PDE1C: variants seen among roughly 807,000 people sequenced by gnomAD.
PDE1C encodes phosphodiesterase 1C.
PDE1C carries 62 observed loss-of-function variants against 93.1 expected under a neutral mutation model. The observed-to-expected ratio is 0.67, with a 90% CI of 0.54 to 0.82. The LOEUF (loss-of-function observed/expected upper bound fraction) is 0.82. Ranked by LOEUF, PDE1C falls within the 40% of genes least tolerant of loss-of-function variation. The pLI is 0.00. For synonymous variants in PDE1C, 325 were observed against 310.1 expected, an observed-to-expected ratio of 1.05 and a Z score of -0.50; for missense variants, 742 against 884.6, an observed-to-expected ratio of 0.84 and a Z score of 2.04.
intron 3 of PDE1C, among the ~76,000 whole-genome samples, chr7:32,135,229 G>T (rs958708220): frequency 6.6e-6 from 1 of 152,118 alleles, no homozygotes; most frequent in Non-Finnish European, 1.5e-5. Context: ...CTCCTCTCAT[G>T]ATGAGCCCTA....
chr7:31,638,816 G>A, the PDE1C span, among the ~76,000 whole-genome samples: 9 of 151,976 alleles, frequency 5.9e-5, no homozygotes, highest in Admixed American at 2.0e-4. Context: ...TTGCTCTGTC[G>A]CCCAGGCTGG....
intron 7 of PDE1C, among the ~76,000 whole-genome samples, chr7:31,863,754 C>T (rs747877361): frequency 6.6e-6 from 1 of 152,056 alleles, no homozygotes; most frequent in South Asian, 2.1e-4. Context: ...TTTATTCTAA[C>T]CATCAGAGCA....
intron 1 of PDE1C, among the ~76,000 whole-genome samples, chr7:32,338,819 C>T (rs215668): frequency 0.88 from 133,186 of 151,818 alleles, 58,587 homozygotes; most frequent in East Asian, 0.98. Flanking sequence ...CTGGCTAACA[C>T]GGTGAAACCC....
chr7:32,327,213 C>A (rs940154454), intron 1 of PDE1C, among the ~76,000 whole-genome samples: 4 of 152,190 alleles, frequency 2.6e-5, no homozygotes, highest in Non-Finnish European at 4.4e-5. Context: ...TGAACTACTG[C>A]AATACTCTCT....
At chr7:31,684,900 T>C in the PDE1C span, among the ~76,000 whole-genome samples, 7 of 152,328 alleles carry the variant, frequency 4.6e-5, no homozygotes, top group African/African-American at 1.2e-4. Flanking sequence ...TTCTGGGCAT[T>C]ATCCCAGAGA....
At chr7:32,370,300 T>G (rs1211819771) in intron 1 of PDE1C, among the ~76,000 whole-genome samples, 1 of 151,822 alleles carries the variant, frequency 6.6e-6, no homozygotes, top group African/African-American at 2.4e-5. Flanking sequence ...ATACAAAAAA[T>G]TAGCTGGGCG....
rs562161625 is a variant in PDE1C at position 31,837,309 on chromosome 7, C to A, written c.1083-9G>T. On this transcript the variant is annotated splice_polypyrimidine_tract_variant and intron_variant, in intron 10 of 17. Coordinates refer to ENST00000396191, the MANE Select transcript of PDE1C (RefSeq NM_001191057.4). Reference sequence around the variant, plus strand: ...CTTTTGGCTTTTCAATGCTGTAAACCAAAAGCACCCAAACACATGATAACC... The same window carrying A: ...CTTTTGGCTTTTCAATGCTGTAAACAAAAAGCACCCAAACACATGATAACC... 6.2e-7 allele frequency: 1 copy of A among 1,600,154 alleles called. No homozygotes were observed. Among genetic ancestry groups the A allele is most frequent in the Non-Finnish European group, 8.5e-7 (1 of 1,172,144 alleles).
chr7:32,126,201 CTAGATAGATAGATAGA>C (rs5883326), intron 3 of PDE1C, among the ~76,000 whole-genome samples: 135 of 147,000 alleles, frequency 9.2e-4, no homozygotes, highest in Middle Eastern at 3.5e-3. Context: ...ATCCACTATT[CTAGATAGATAGATAGA>C]TAGATAGATA....
chr7:31,657,486 G>T, the PDE1C span, among the ~76,000 whole-genome samples: 1 of 152,152 alleles, frequency 6.6e-6, no homozygotes, highest in Non-Finnish European at 1.5e-5. Context: ...GTCAGGTATC[G>T]GTTCTGAGTC....
chr7:31,682,387 T>C, the PDE1C span, among the ~76,000 whole-genome samples: 1 of 152,168 alleles, frequency 6.6e-6, no homozygotes, highest in Admixed American at 6.5e-5. Flanking sequence ...TTCAAAATCA[T>C]TAGCCATCAA....
intron 1 of PDE1C, among the ~76,000 whole-genome samples, chr7:32,395,405 G>A (rs1037100811): frequency 1.3e-5 from 2 of 152,114 alleles, no homozygotes; most frequent in Non-Finnish European, 2.9e-5. Flanking sequence ...TACAGATAGA[G>A]GCATCAGCAG....
chr7:32,181,025 T>G (rs1256750771), intron 2 of PDE1C, among the ~76,000 whole-genome samples: 2 of 152,200 alleles, frequency 1.3e-5, no homozygotes, highest in Non-Finnish European at 2.9e-5. Flanking sequence ...GGATTGAAAC[T>G]GGATGTGAAA....
chr7:32,132,072 G>C (rs1799947216), intron 3 of PDE1C, among the ~76,000 whole-genome samples: 1 of 152,084 alleles, frequency 6.6e-6, no homozygotes, highest in South Asian at 2.1e-4. Context: ...ATAATATTAA[G>C]GTAACTGCTG....
At chr7:32,368,399 T>C (rs1784263623) in intron 1 of PDE1C, among the ~76,000 whole-genome samples, 1 of 152,100 alleles carries the variant, frequency 6.6e-6, no homozygotes, top group Non-Finnish European at 1.5e-5. Context: ...ACGATTCCAT[T>C]CACAATAGCT....
intron 1 of PDE1C, among the ~76,000 whole-genome samples, chr7:32,240,398 TG>T (rs1808458162): frequency 2.0e-5 from 3 of 152,324 alleles, no homozygotes; most frequent in African/African-American, 7.2e-5. Context: ...TCCCAGATTT[TG>T]CAGAGCTTAC....
At chr7:32,007,588 T>C (rs1465743688) in intron 2 of PDE1C, among the ~76,000 whole-genome samples, 2 of 152,216 alleles carry the variant, frequency 1.3e-5, no homozygotes, top group African/African-American at 4.8e-5. Context: ...CCACTTCAGG[T>C]CTTTGCCTTT....
chr7:32,147,650 C>T (rs11979357), intron 3 of PDE1C, among the ~76,000 whole-genome samples: 4,937 of 152,186 alleles, frequency 0.032, 267 homozygotes, highest in African/African-American at 0.11. Flanking sequence ...AAAACAATCC[C>T]TCCTTGTGCT....
chr7:31,728,990 C>T, the PDE1C span, among the ~76,000 whole-genome samples: 1 of 152,318 alleles, frequency 6.6e-6, no homozygotes, highest in Non-Finnish European at 1.5e-5. Flanking sequence ...TCAGGTAGAA[C>T]TGGTTCAATT....
intron 1 of PDE1C, among the ~76,000 whole-genome samples, chr7:32,053,424 T>C (rs1035130258): frequency 6.6e-6 from 1 of 152,218 alleles, no homozygotes; most frequent in African/African-American, 2.4e-5. Context: ...CCTTCAGCCA[T>C]GGAGCATAGT....
Sources: allele counts gnomAD v4.1 joint callset (sites outside exome capture counted in the v4.1 genomes callset), GRCh38; gene constraint gnomAD v4.1.1; transcripts MANE v1.5; gene names NCBI Gene and HGNC (gene_info 2026-07-23, HGNC 2026-07-21).